The following FDCSP variants were observed in gnomAD, a reference collection of about 807,000 sequenced individuals.
FDCSP encodes follicular dendritic cell secreted protein, also known as follicular dendritic cell secreted peptide.
In FDCSP, 8 loss-of-function variants were observed where a neutral mutation model predicts 8.9. That is an observed-to-expected ratio of 0.90 (90% CI 0.53 to 1.63). The LOEUF is 1.63. FDCSP is among the 40% of genes most tolerant of loss of function. The pLI is 0.00. For missense variants in FDCSP, 101 were observed against 103.6 expected (o/e 0.98, Z 0.11); for synonymous variants, 34 against 34.5 (o/e 0.98, Z 0.06).
rs781388869 is a variant in FDCSP, at chr4:70,231,299, T to C, written c.57+48T>C. 58 of 1,431,832 alleles carry C rather than the reference T, an allele frequency of 4.1e-5. No individual in the cohort carries two copies. The East Asian group carries it at 1.2e-3, about 31-fold the overall frequency. 88.7% of individuals were successfully genotyped at this position (1,431,832 alleles called of 1,614,324 possible). ...CAAAATATTTATGTATGGCCATGTATGGCATATTTATGTCAACCAGGAACC... is the reference window on the plus strand; with the variant it reads ...CAAAATATTTATGTATGGCCATGTACGGCATATTTATGTCAACCAGGAACC... On this transcript the variant is annotated intron_variant, in intron 2 of 4. Coordinates refer to ENST00000317987, the MANE Select transcript of FDCSP (RefSeq NM_152997.4).
chr4:70,226,772 A>G (rs1729993840), intron 1 of FDCSP, among the ~76,000 whole-genome samples: 1 of 151,858 alleles, frequency 6.6e-6, no homozygotes, highest in South Asian at 2.1e-4. Flanking sequence ...GCAGCAATAA[A>G]CTGCTATGGG....
At chr4:70,233,459 C>T (rs991760694) in intron 3 of FDCSP, among the ~76,000 whole-genome samples, 2 of 151,576 alleles carry the variant, frequency 1.3e-5, no homozygotes, top group South Asian at 2.1e-4. Context: ...AAACAGTTAA[C>T]TAAAATTGTT....
chr4:70,228,908 T>C (rs1256173340), intron 1 of FDCSP, among the ~76,000 whole-genome samples: 1 of 151,762 alleles, frequency 6.6e-6, no homozygotes, highest in African/African-American at 2.4e-5. Context: ...GTAGATTTAG[T>C]ATAATTCTTA....
intron 2 of FDCSP, among the ~76,000 whole-genome samples, 163 bp downstream of exon 2, chr4:70,231,414 G>A (rs938870620): frequency 2.6e-5 from 4 of 151,682 alleles, no homozygotes; most frequent in Non-Finnish European, 4.4e-5. Flanking sequence ...GGAGGTCAAG[G>A]CAGGAGAATC....
At chr4:70,227,098 T>C (rs1039884674) in intron 1 of FDCSP, among the ~76,000 whole-genome samples, 5 of 151,882 alleles carry the variant, frequency 3.3e-5, no homozygotes, top group African/African-American at 4.8e-5. Flanking sequence ...CCATCTTCCA[T>C]GTGGAAGTCT....
At chr4:70,227,308 G>A (rs184411287) in intron 1 of FDCSP, among the ~76,000 whole-genome samples, 59 of 151,750 alleles carry the variant, frequency 3.9e-4, no homozygotes, top group Non-Finnish European at 6.2e-4. Context: ...GAACTTGACC[G>A]GAATTTTACA....
intron 1 of FDCSP, among the ~76,000 whole-genome samples, chr4:70,228,320 C>T (rs144941770): frequency 3.8e-4 from 57 of 151,864 alleles, no homozygotes; most frequent in Non-Finnish European, 5.2e-4. Context: ...CAAGTTTTAC[C>T]GTTAGATTGA....
chr4:70,227,985 GC>G (rs2109683334), intron 1 of FDCSP, among the ~76,000 whole-genome samples: 1 of 151,858 alleles, frequency 6.6e-6, no homozygotes, highest in Non-Finnish European at 1.5e-5. Flanking sequence ...GTTCCTGAAG[GC>G]TAAGCTGGCT....
intron 2 of FDCSP, 104 bp from the exon 3 acceptor site, chr4:70,232,890 T>A: frequency 1.0e-6 from 1 of 987,914 alleles, no homozygotes; most frequent in Non-Finnish European, 1.5e-6. Context: ...AAAAAATGGT[T>A]ATTATGAAAC....
chr4:70,226,336 G>C (rs62307434), intron 1 of FDCSP, among the ~76,000 whole-genome samples, 154 bp downstream of exon 1: 18,623 of 151,848 alleles, frequency 0.12, 1,355 homozygotes, highest in East Asian at 0.27. Flanking sequence ...TGTAGACTTA[G>C]TAATTAGAAA....
In FDCSP at chr4:70,234,223, C is replaced by T. The variant is rs1480636769; in HGVS notation, c.*28+8C>T. On this transcript the variant is annotated splice_region_variant and intron_variant, in intron 4 of 4. Transcript: ENST00000317987. ...AAAGTCACGATAAACCTGGTAAGTACACATAGTTACAATCATAGTTTATTT... is the reference window on the plus strand; with the variant it reads ...AAAGTCACGATAAACCTGGTAAGTATACATAGTTACAATCATAGTTTATTT... 1 of 1,541,008 alleles carries T rather than the reference C, an allele frequency of 6.5e-7. No homozygotes were observed. Among genetic ancestry groups the T allele is most frequent in the Non-Finnish European group, 8.8e-7 (1 of 1,139,182 alleles).
chr4:70,232,186 T>C (rs552369261), intron 2 of FDCSP, among the ~76,000 whole-genome samples: 1 of 151,614 alleles, frequency 6.6e-6, no homozygotes, highest in African/African-American at 2.4e-5. Flanking sequence ...TAAACAGTAA[T>C]GTCCTAGGCC....
chr4:70,226,610 T>G (rs1729990050), intron 1 of FDCSP, among the ~76,000 whole-genome samples: 1 of 151,948 alleles, frequency 6.6e-6, no homozygotes, highest in Admixed American at 6.6e-5. Flanking sequence ...CTTTTATCTT[T>G]AAAATATATA....
intron 1 of FDCSP, among the ~76,000 whole-genome samples, chr4:70,229,107 CTAT>C (rs1730037620): frequency 6.6e-6 from 1 of 151,730 alleles, no homozygotes; most frequent in East Asian, 1.9e-4. Flanking sequence ...CAATAAAAAT[CTAT>C]TATTTATTGT....
Position 70,230,929 on chromosome 4 carries a change from T to C in FDCSP, c.1-266T>C, listed in dbSNP as rs1289609761. On this transcript the variant is annotated intron_variant, in intron 1 of 4. Coordinates refer to ENST00000317987, the MANE Select transcript of FDCSP (RefSeq NM_152997.4). ...CATAGGAATTAGTATTCTTAAATAA[T>C]ATGTTAATGTTTATTTTTAAAGCAA... is the stretch of plus-strand genomic sequence containing the variant. Among the ~76,000 whole-genome samples, 3 of 151,768 alleles carry C rather than the reference T, an allele frequency of 2.0e-5. No homozygotes were observed. The East Asian group carries it at 5.8e-4, about 29-fold the overall frequency.
chr4:70,233,811 G>A (rs909277659), intron 3 of FDCSP, among the ~76,000 whole-genome samples: 1 of 151,550 alleles, frequency 6.6e-6, no homozygotes, highest in South Asian at 2.1e-4. Context: ...AACTGGAAAG[G>A]TATAGGAACA....
chr4:70,229,930 A>G (rs528472627), intron 1 of FDCSP, among the ~76,000 whole-genome samples: 16 of 151,814 alleles, frequency 1.1e-4, no homozygotes, highest in African/African-American at 3.9e-4. Context: ...TATGACACAG[A>G]GACATGCAGT....
At chr4:70,231,631 T>A (rs1730085594) in intron 2 of FDCSP, among the ~76,000 whole-genome samples, 1 of 151,728 alleles carries the variant, frequency 6.6e-6, no homozygotes. Context: ...GCACAAAAAA[T>A]TATGCACAGT....
Position 70,234,094 on chromosome 4 carries a change from A to G in FDCSP, c.165A>G (p.Pro55=). The G allele has an allele frequency of 6.2e-7, 1 of 1,611,436 alleles. No individual in the cohort carries two copies. The highest frequency in any genetic ancestry group is 1.1e-5 in the South Asian group (1 of 90,956). Residue 55 remains proline, a synonymous_variant, in exon 4 of 5, where the codon CCA becomes CCG. Coordinates refer to ENST00000317987, the MANE Select transcript of FDCSP (RefSeq NM_152997.4). ...CATATCCATTTCGCCCACTTCCACC[A>G]ATTCCATTTCCAAGATTTCCATGGT... is the stretch of plus-strand genomic sequence containing the variant. The part of the protein sequence containing the change: ...PYPYPFRPLP[P]IPFPRFPWFR...
Sources: allele counts gnomAD v4.1 joint callset (sites outside exome capture counted in the v4.1 genomes callset), GRCh38; gene constraint gnomAD v4.1.1; transcripts MANE v1.5; gene names NCBI Gene and HGNC (gene_info 2026-07-23, HGNC 2026-07-21).